Variants in DPP6 observed in about 807,000 individuals in gnomAD.
DPP6 encodes dipeptidyl peptidase like 6.
A neutral mutation model predicts 122.6 loss-of-function variants in DPP6; 69 were observed. The ratio of observed to expected loss-of-function variants is 0.56; its 90% confidence interval spans 0.46 to 0.69. The LOEUF (loss-of-function observed/expected upper bound fraction) is 0.69, where lower values mean the gene tolerates loss of function less well. Among genes scored for constraint, DPP6 ranks in the 30% least tolerant of loss-of-function variants. The pLI is 0.00. For synonymous variants in DPP6, 418 were observed against 433.1 expected (o/e 0.97, Z 0.43); for missense variants, 928 against 1,116.9 (o/e 0.83, Z 2.41).
chr7:153,827,472 C>A, the DPP6 span, among the ~76,000 whole-genome samples: 1 of 152,148 alleles, frequency 6.6e-6, no homozygotes, highest in East Asian at 1.9e-4. Flanking sequence ...ACCTGGGGAG[C>A]TTGCGACTGG....
the DPP6 span, among the ~76,000 whole-genome samples, chr7:153,854,551 C>T: frequency 7.3e-6 from 1 of 136,548 alleles, no homozygotes. Context: ...CCATCTCACA[C>T]CAGTTAGAAT....
intron 6 of DPP6, among the ~76,000 whole-genome samples, chr7:154,648,939 C>G (rs929306655): frequency 6.7e-6 from 1 of 148,526 alleles, no homozygotes; most frequent in African/African-American, 2.5e-5. Flanking sequence ...AAAAAATACA[C>G]TTTTTAAAGG....
At position 154,754,067 on chromosome 7, in the gene DPP6, G is replaced by A. The variant is rs771952451; in HGVS notation, c.884-15350G>A. 1.1e-3 allele frequency among the ~76,000 whole-genome samples: 172 copies of A among 152,030 alleles called. 4 individuals are homozygous for A. The highest frequency in any genetic ancestry group is 3.5e-4 in the Non-Finnish European group (24 of 68,000). ...AAACTGGAGACCTAATTTCCTGTCT[G>A]ATCCACATTGTTTTTGATATCCATT... On this transcript the variant is annotated intron_variant, in intron 8 of 25. Transcript: ENST00000377770.
At chr7:154,546,762 C>T (rs1829231862) in intron 4 of DPP6, among the ~76,000 whole-genome samples, 1 of 152,118 alleles carries the variant, frequency 6.6e-6, no homozygotes, top group African/African-American at 2.4e-5. Context: ...TAGACCCATT[C>T]CAAAATAAGA....
At chr7:153,832,875 G>A in the DPP6 span, among the ~76,000 whole-genome samples, 2 of 152,012 alleles carry the variant, frequency 1.3e-5, no homozygotes, top group Non-Finnish European at 2.9e-5. Context: ...GACTCATGTC[G>A]TGTTGGGGCA....
chr7:153,871,957 G>T, the DPP6 span, among the ~76,000 whole-genome samples: 1 of 152,158 alleles, frequency 6.6e-6, no homozygotes, highest in Admixed American at 6.5e-5. Context: ...GGACTGCAGG[G>T]TGACAAAATC....
At chr7:153,776,343 C>T in the DPP6 span, among the ~76,000 whole-genome samples, 4 of 152,054 alleles carry the variant, frequency 2.6e-5, no homozygotes, top group African/African-American at 7.2e-5. Flanking sequence ...ATGCTGTTCC[C>T]GTGATAGTGA....
chr7:154,541,903 C>T (rs1360044046), intron 4 of DPP6, among the ~76,000 whole-genome samples: 1 of 152,160 alleles, frequency 6.6e-6, no homozygotes, highest in Non-Finnish European at 1.5e-5. Context: ...CAGGTGGTGT[C>T]CCAGAAGCCT....
chr7:154,762,988 C>T (rs941056353), intron 8 of DPP6, among the ~76,000 whole-genome samples: 2 of 152,210 alleles, frequency 1.3e-5, no homozygotes, highest in African/African-American at 2.4e-5. Flanking sequence ...AAATCTTAGT[C>T]GTGCTAGTTC....
At chr7:154,678,580 T>C (rs998486152) in intron 7 of DPP6, among the ~76,000 whole-genome samples, 2 of 151,744 alleles carry the variant, frequency 1.3e-5, no homozygotes, top group African/African-American at 4.8e-5. Context: ...GCATCTTCAA[T>C]AACCCTAACA....
chr7:153,858,939 C>G, the DPP6 span, among the ~76,000 whole-genome samples: 4 of 152,122 alleles, frequency 2.6e-5, no homozygotes, highest in Non-Finnish European at 4.4e-5. Context: ...ATTTATACCC[C>G]CATGACTGCC....
intron 1 of DPP6, among the ~76,000 whole-genome samples, chr7:154,041,860 G>T (rs1397134893): frequency 6.6e-6 from 1 of 152,096 alleles, no homozygotes; most frequent in Non-Finnish European, 1.5e-5. Flanking sequence ...CCTGGTTCAA[G>T]TGATTCTCCT....
At chr7:154,448,812 A>T (rs559971492) in intron 2 of DPP6, among the ~76,000 whole-genome samples, 2 of 152,290 alleles carry the variant, frequency 1.3e-5, no homozygotes, top group Admixed American at 6.5e-5. Context: ...AGACCATTCA[A>T]TGAGGAAAGA....
At chr7:153,810,070 A>G in the DPP6 span, among the ~76,000 whole-genome samples, 2 of 152,266 alleles carry the variant, frequency 1.3e-5, no homozygotes, top group Admixed American at 6.5e-5. Context: ...TGTTTTGACA[A>G]CATCATGCTG....
chr7:154,592,056 G>C, intron 5 of DPP6, among the ~76,000 whole-genome samples: 1 of 152,222 alleles, frequency 6.6e-6, no homozygotes, highest in African/African-American at 2.4e-5. Context: ...CAGGGGCCAG[G>C]CTCCCTTTGC....
chr7:154,701,636 G>T (rs1840535801), intron 7 of DPP6, among the ~76,000 whole-genome samples: 1 of 152,186 alleles, frequency 6.6e-6, no homozygotes, highest in Non-Finnish European at 1.5e-5. Flanking sequence ...ACCAGATCAT[G>T]CATCTTCCCA....
chr7:154,176,030 C>G (rs956947329), intron 1 of DPP6, among the ~76,000 whole-genome samples: 2 of 152,152 alleles, frequency 1.3e-5, no homozygotes, highest in Non-Finnish European at 2.9e-5. Flanking sequence ...ATGACCAAAA[C>G]TGTCTATGTG....
At chr7:154,033,531 T>A (rs1202136936) in intron 1 of DPP6, among the ~76,000 whole-genome samples, 1 of 152,242 alleles carries the variant, frequency 6.6e-6, no homozygotes, top group Non-Finnish European at 1.5e-5. Flanking sequence ...CAAGGAATGT[T>A]CATTCTTTGT....
intron 1 of DPP6, among the ~76,000 whole-genome samples, chr7:153,988,656 C>T (rs1407226152): frequency 6.6e-6 from 1 of 152,208 alleles, no homozygotes; most frequent in African/African-American, 2.4e-5. Context: ...GAAAGGGGTG[C>T]TCCAAGCGGT....
Sources: allele counts gnomAD v4.1 joint callset (sites outside exome capture counted in the v4.1 genomes callset), GRCh38; gene constraint gnomAD v4.1.1; transcripts MANE v1.5; gene names NCBI Gene and HGNC (gene_info 2026-07-23, HGNC 2026-07-21).